The following PLA2R1 variants were observed in gnomAD, a reference collection of about 807,000 sequenced individuals.
The protein encoded by PLA2R1 is secretory phospholipase A2 receptor.
A neutral mutation model predicts 195.9 loss-of-function variants in PLA2R1; 158 were observed. The ratio of observed to expected loss-of-function variants is 0.81; its 90% CI spans 0.71 to 0.92. PLA2R1 has a LOEUF of 0.92. Among genes scored for constraint, PLA2R1 ranks in the 40% least tolerant of loss-of-function variants. PLA2R1 has a pLI of 0.00. For missense variants in PLA2R1, 1,626 were observed against 1,764.6 expected (o/e 0.92, Z 1.41); for synonymous variants, 586 against 598.2 (o/e 0.98, Z 0.30).
At position 160,044,846 on chromosome 2, in the gene PLA2R1, A is replaced by G. The variant is rs926438667; in HGVS notation, c.421T>C (p.Ser141Pro). 4 of 1,613,844 alleles carry G rather than the reference A, an allele frequency of 2.5e-6. No individual in the cohort carries two copies. The highest frequency in any genetic ancestry group is 3.4e-6 in the Non-Finnish European group (4 of 1,179,830). ...ATCCACTTATGAATATACTTCCGTGAGGCCACCACTGTGTTGTCATGCGCC... is the reference window on the plus strand; with the variant it reads ...ATCCACTTATGAATATACTTCCGTGGGGCCACCACTGTGTTGTCATGCGCC... ...QVAHDNTVVA[S>P]RKYIHKWISY... The change falls in exon 2 of 30, where the codon TCA becomes CCA. Residue 141 changes from serine to proline, a missense_variant. By Grantham distance (74) the Ser-to-Pro change is moderately conservative. Coordinates refer to ENST00000283243, the MANE Select transcript of PLA2R1 (RefSeq NM_007366.5).
intron 1 of PLA2R1, among the ~76,000 whole-genome samples, chr2:160,057,940 G>T (rs748324331): frequency 1.3e-5 from 2 of 152,118 alleles, no homozygotes; most frequent in Non-Finnish European, 2.9e-5. Context: ...AATAAGAGGC[G>T]GGAGTTGGTG....
intron 3 of PLA2R1, among the ~76,000 whole-genome samples, chr2:160,037,164 T>G (rs147109800): frequency 3.3e-5 from 5 of 152,346 alleles, no homozygotes; most frequent in African/African-American, 1.2e-4. Flanking sequence ...AGACTATTGC[T>G]CTAGCCTTCT....
At chr2:159,966,064 T>C (rs1176520976) in intron 20 of PLA2R1, among the ~76,000 whole-genome samples, 1 of 152,188 alleles carries the variant, frequency 6.6e-6, no homozygotes, top group East Asian at 1.9e-4. Flanking sequence ...AAAATGAGGA[T>C]AGTAATTCTA....
chr2:159,945,241 A>C (rs564052918), intron 27 of PLA2R1, among the ~76,000 whole-genome samples, 159 bp from the exon 28 acceptor site: 1 of 151,988 alleles, frequency 6.6e-6, no homozygotes, highest in Admixed American at 6.6e-5. Context: ...GTACATGTGC[A>C]CAATGTGCAG....
At chr2:159,927,908 G>A (rs1443858443), downstream of PLA2R1, among the ~76,000 whole-genome samples, 1 of 152,158 alleles carries the variant, frequency 6.6e-6, no homozygotes, top group Non-Finnish European at 1.5e-5. Flanking sequence ...TGAAATCAAA[G>A]AATATTTCTA....
At chr2:160,009,001 A>G (rs1437951150) in intron 10 of PLA2R1, among the ~76,000 whole-genome samples, 3 of 152,254 alleles carry the variant, frequency 2.0e-5, no homozygotes, top group African/African-American at 7.2e-5. Flanking sequence ...ACAGTGAAAT[A>G]CCACTGCACA....
At chr2:160,044,231 C>T (rs111365272) in intron 2 of PLA2R1, among the ~76,000 whole-genome samples, 27 of 152,170 alleles carry the variant, frequency 1.8e-4, no homozygotes, top group African/African-American at 6.0e-4. Context: ...CCATGCTTGG[C>T]ACACACCAAA....
intron 3 of PLA2R1, among the ~76,000 whole-genome samples, chr2:160,035,804 T>A (rs1261014749): frequency 6.6e-6 from 1 of 152,176 alleles, no homozygotes; most frequent in African/African-American, 2.4e-5. Context: ...TCCCACTTAG[T>A]CTCATCCACT....
chr2:159,942,698 C>G (rs1040722037), intron 28 of PLA2R1, among the ~76,000 whole-genome samples: 1 of 152,078 alleles, frequency 6.6e-6, no homozygotes, highest in African/African-American at 2.4e-5. Flanking sequence ...GCTTCTCCAT[C>G]CAAAAAGTTA....
intron 9 of PLA2R1, among the ~76,000 whole-genome samples, chr2:160,015,931 A>G (rs961849300): frequency 6.6e-6 from 1 of 152,236 alleles, no homozygotes; most frequent in Non-Finnish European, 1.5e-5. Flanking sequence ...ACTCTGACTC[A>G]GAGGAACACA....
intron 5 of PLA2R1, 55 bp downstream of exon 5, chr2:160,028,795 T>C (rs757684323): frequency 1.0e-6 from 1 of 992,314 alleles, no homozygotes; most frequent in Non-Finnish European, 1.6e-6. Flanking sequence ...AATGCTGCTG[T>C]GTAAGGGTGC....
At chr2:160,061,716 A>T (rs1695964797) in intron 1 of PLA2R1, among the ~76,000 whole-genome samples, 1 of 152,296 alleles carries the variant, frequency 6.6e-6, no homozygotes, top group East Asian at 1.9e-4. Flanking sequence ...CGGAGGCTGC[A>T]GTGAGCCGAG....
chr2:160,060,929 G>A (rs1695909486), intron 1 of PLA2R1, among the ~76,000 whole-genome samples: 1 of 152,212 alleles, frequency 6.6e-6, no homozygotes, highest in Non-Finnish European at 1.5e-5. Context: ...ATCCACAGGA[G>A]CAATTTTCTG....
intron 1 of PLA2R1, among the ~76,000 whole-genome samples, chr2:160,061,154 T>G (rs768336221): frequency 6.6e-6 from 1 of 152,126 alleles, no homozygotes; most frequent in Non-Finnish European, 1.5e-5. Flanking sequence ...CAAACTTATC[T>G]CCAAAGGCAG....
intron 4 of PLA2R1, among the ~76,000 whole-genome samples, chr2:160,029,848 C>T (rs952869816): frequency 2.0e-5 from 3 of 152,138 alleles, no homozygotes; most frequent in African/African-American, 2.4e-5. Context: ...GCCATTTACT[C>T]GTTTAATCTA....
intron 10 of PLA2R1, 109 bp from the exon 11 acceptor site, chr2:160,005,930 C>T (rs2105398181): frequency 6.8e-6 from 5 of 737,654 alleles, no homozygotes; most frequent in Non-Finnish European, 1.2e-5. Context: ...CATTTCTCAT[C>T]AATTCTTTAG....
At chr2:159,979,980 A>C in intron 13 of PLA2R1, 66 bp from the exon 14 acceptor site, 1 of 897,886 alleles carries the variant, frequency 1.1e-6, no homozygotes, top group Non-Finnish European at 1.8e-6. Context: ...TGAAAGGTTC[A>C]AAAAATACCA....
intron 1 of PLA2R1, among the ~76,000 whole-genome samples, chr2:160,050,920 T>C (rs1695174484): frequency 1.3e-5 from 2 of 152,216 alleles, no homozygotes; most frequent in South Asian, 4.1e-4. Flanking sequence ...TCTGCACCCC[T>C]TCTGATCACC....
chr2:160,022,550 T>C (rs925223534), intron 7 of PLA2R1, 115 bp downstream of exon 7: 6 of 519,906 alleles, frequency 1.2e-5, no homozygotes, highest in African/African-American at 9.6e-5. Flanking sequence ...ACTTTAAATA[T>C]ATGTGCAATG....
Sources: allele counts gnomAD v4.1 joint callset (sites outside exome capture counted in the v4.1 genomes callset), GRCh38; gene constraint gnomAD v4.1.1; transcripts MANE v1.5; gene names NCBI Gene and HGNC (gene_info 2026-07-23, HGNC 2026-07-21).